Variants in NLRP5 observed in about 807,000 individuals in gnomAD.
NLRP5 encodes the protein NACHT, LRR and PYD domains-containing protein 5.
NLRP5 carries 93 observed loss-of-function variants against 113.1 expected under a neutral mutation model. The observed-to-expected ratio is 0.82, with a 90% CI of 0.70 to 0.98. The LOEUF (loss-of-function observed/expected upper bound fraction) is 0.98, where lower values mean the gene tolerates loss of function less well. Among genes scored for constraint, NLRP5 ranks in the 50% least tolerant of loss-of-function variants. The pLI is 0.00. For missense variants in NLRP5, 1,808 were observed against 1,514.3 expected (o/e 1.19, Z -3.22); for synonymous variants, 751 against 600.7 (o/e 1.25, Z -3.66).
At chr19:56,001,324 TA>T (rs751650915) in intron 1 of NLRP5, among the ~76,000 whole-genome samples, 4 of 120,656 alleles carry the variant, frequency 3.3e-5, no homozygotes, top group Admixed American at 8.6e-5. Flanking sequence ...CTCAGTCATT[TA>T]AAAAAAAAAA....
chr19:56,024,430 C>G (rs1396786335), intron 6 of NLRP5, among the ~76,000 whole-genome samples: 4 of 121,278 alleles, frequency 3.3e-5, no homozygotes, highest in Non-Finnish European at 7.0e-5. Context: ...GTTATATATA[C>G]ACATATACAT....
the NLRP5 span, among the ~76,000 whole-genome samples, chr19:55,989,854 A>C: frequency 9.2e-5 from 14 of 152,216 alleles, no homozygotes; most frequent in Admixed American, 6.5e-4. Context: ...AAAACGGATA[A>C]AGATTGTTAA....
rs534115448 is a variant in NLRP5, at chr19:56,055,761, G to A, written c.3299+1953G>A. Among the ~76,000 whole-genome samples the A allele has an allele frequency of 4.6e-4, 69 of 151,462 alleles. No homozygotes were observed. In the South Asian group the frequency reaches 7.5e-3, roughly 17 times the overall value. On this transcript the variant is annotated intron_variant, in intron 13 of 14. Transcript: ENST00000390649. ...GGGGTTTCACCGTGTTAGCCAGGATGGTCTCAATCTCCTGACCTCATGATC... is the reference window on the plus strand; with the variant it reads ...GGGGTTTCACCGTGTTAGCCAGGATAGTCTCAATCTCCTGACCTCATGATC...
intron 9 of NLRP5, among the ~76,000 whole-genome samples, chr19:56,035,994 T>G (rs865786492): frequency 6.6e-6 from 1 of 151,822 alleles, no homozygotes; most frequent in South Asian, 2.1e-4. Flanking sequence ...TAACGACAGA[T>G]GCTTGATTTT....
Position 56,061,572 on chromosome 19 carries a change from C to A in NLRP5, c.*44C>A. On this transcript the variant is annotated 3_prime_UTR_variant, in exon 15 of 15. Coordinates refer to ENST00000390649, the MANE Select transcript of NLRP5 (RefSeq NM_153447.4). The stretch of plus-strand genomic sequence containing the variant: ...CACTCACACCCATCTGATGGAGGAA[C>A]TTTAAACGCTGTTTTCTCAGAGCAA... 6.2e-7 allele frequency: 1 copy of A among 1,608,842 alleles called. No individual in the cohort carries two copies.
chr19:56,011,997 C>A (rs1212926447), intron 3 of NLRP5, among the ~76,000 whole-genome samples: 1 of 151,460 alleles, frequency 6.6e-6, no homozygotes, highest in African/African-American at 2.4e-5. Flanking sequence ...CAGCCTAGAT[C>A]TTATAAATTC....
chr19:56,036,897 C>T (rs776511189), intron 9 of NLRP5, among the ~76,000 whole-genome samples: 6 of 152,188 alleles, frequency 3.9e-5, no homozygotes, highest in South Asian at 2.1e-4. Flanking sequence ...GCAGAGGTTA[C>T]AGTGAGCCGA....
In NLRP5 at chr19:56,008,531, T is replaced by C. The variant is rs189082504; in HGVS notation, c.443-257T>C. Among the ~76,000 whole-genome samples the C allele has an allele frequency of 5.9e-5, 9 of 152,228 alleles. No homozygotes were observed. In the East Asian group the frequency reaches 1.6e-3, roughly 26 times the overall value. On this transcript the variant is annotated intron_variant, in intron 2 of 14. Transcript: ENST00000390649. ...AACTTAATCACCACAATTAACCTCA[T>C]TGTGTGACTTACCCAAGGCCATCCA...
At chr19:56,014,380 T>A (rs1030874067) in intron 3 of NLRP5, among the ~76,000 whole-genome samples, 1 of 150,388 alleles carries the variant, frequency 6.6e-6, no homozygotes, top group South Asian at 2.1e-4. Flanking sequence ...CTTGAGAGAG[T>A]GAGGCAGGGG....
chr19:56,006,757 T>TG (rs1244396955), intron 2 of NLRP5, among the ~76,000 whole-genome samples: 1 of 151,124 alleles, frequency 6.6e-6, no homozygotes, highest in African/African-American at 2.4e-5. Flanking sequence ...TTTTTGTTTT[T>TG]GAGACGGAGT....
At position 56,010,920 on chromosome 19, in the gene NLRP5, G is replaced by C. The variant is rs558068419; in HGVS notation, c.508+2067G>C. Among the ~76,000 whole-genome samples the C allele has an allele frequency of 2.1e-3, 319 of 152,042 alleles. 1 individual carries two copies. The highest frequency in any genetic ancestry group is 7.5e-3 in the African/African-American group (311 of 41,474). ...TAATCCCAGCACTTTGGGAGGCTGA[G>C]GCAGGCAGATTGCTCGAACCCAGGA... On this transcript the variant is annotated intron_variant, in intron 3 of 14. Coordinates refer to ENST00000390649, the MANE Select transcript of NLRP5 (RefSeq NM_153447.4).
At chr19:56,005,322 CATATTT>C (rs1981839149) in intron 2 of NLRP5, among the ~76,000 whole-genome samples, 1 of 144,710 alleles carries the variant, frequency 6.9e-6, no homozygotes, top group South Asian at 2.1e-4. Context: ...TATATACACA[CATATTT>C]ATATATACAC....
Position 56,027,329 on chromosome 19 carries a change from G to T in NLRP5, c.1096G>T (p.Asp366Tyr). Reference sequence around the variant, plus strand: ...GTTGTTCATCATTGACGGTTTCGATGACCTGGGCTCTGTCCTCAACAATGA... The same window carrying T: ...GTTGTTCATCATTGACGGTTTCGATTACCTGGGCTCTGTCCTCAACAATGA... The change falls in exon 7 of 15, where the codon GAC becomes TAC. Residue 366 changes from aspartate to tyrosine, a missense_variant. By Grantham distance (160) the Asp-to-Tyr change is radical (BLOSUM62 -3). Coordinates refer to ENST00000390649, the MANE Select transcript of NLRP5 (RefSeq NM_153447.4). The T allele has an allele frequency of 6.2e-7, 1 of 1,612,792 alleles. No homozygotes were observed.
chr19:56,043,271 GTTTT>G (rs1181689293), intron 11 of NLRP5, among the ~76,000 whole-genome samples: 1 of 151,996 alleles, frequency 6.6e-6, no homozygotes, highest in African/African-American at 2.4e-5. Context: ...AGCATCTACT[GTTTT>G]TTTATGTTTT....
chr19:56,007,876 TGTGTGTGTGTGTGCGCGTGCGCGCGTGC>T (rs972324759), intron 2 of NLRP5, among the ~76,000 whole-genome samples: 2 of 115,988 alleles, frequency 1.7e-5, no homozygotes, highest in Non-Finnish European at 3.8e-5. Context: ...AGTTTGTGTG[TGTGTGTGTGTGTGCGCGTGCGCGCGTGC>T]GTGTGTGTGT....
chr19:56,017,188 T>C (rs1232939973), intron 4 of NLRP5, among the ~76,000 whole-genome samples: 4 of 152,200 alleles, frequency 2.6e-5, no homozygotes, highest in Admixed American at 6.6e-5. Context: ...GTCTCTTTTT[T>C]TCCTTGGTCA....
At chr19:56,054,328 T>TGGGC (rs1405817727) in intron 13 of NLRP5, among the ~76,000 whole-genome samples, 6 of 152,040 alleles carry the variant, frequency 3.9e-5, no homozygotes, top group Admixed American at 3.9e-4. Context: ...GAGGCCAAGG[T>TGGGC]GGGCAGATCA....
At chr19:56,033,456 T>C (rs1983199032) in intron 8 of NLRP5, 86 bp from the exon 9 acceptor site, 10 of 1,077,374 alleles carry the variant, frequency 9.3e-6, no homozygotes, top group Non-Finnish European at 1.4e-5. Flanking sequence ...AATTTGCAAG[T>C]TAGAATGGGA....
intron 3 of NLRP5, among the ~76,000 whole-genome samples, chr19:56,010,701 C>T (rs1355821513): frequency 1.7e-5 from 2 of 120,334 alleles, no homozygotes; most frequent in Non-Finnish European, 3.3e-5. Flanking sequence ...TGTGGTGAGC[C>T]ACTGCACTCC....
Sources: allele counts gnomAD v4.1 joint callset (sites outside exome capture counted in the v4.1 genomes callset), GRCh38; gene constraint gnomAD v4.1.1; transcripts MANE v1.5; gene names NCBI Gene and HGNC (gene_info 2026-07-23, HGNC 2026-07-21).